Variants in DIAPH3 observed in about 807,000 individuals in gnomAD.
DIAPH3 encodes the protein diaphanous related formin 3, also known as protein diaphanous homolog 3.
DIAPH3 carries 117 observed loss-of-function variants against 144.3 expected under a neutral mutation model. The ratio of observed to expected loss-of-function variants is 0.81; its 90% CI spans 0.70 to 0.95. The LOEUF is 0.95. Ranked by LOEUF, DIAPH3 falls within the 40% of genes least tolerant of loss-of-function variation. The pLI is 0.00. For synonymous variants in DIAPH3, 519 were observed against 488.9 expected (o/e 1.06, Z -0.81); for missense variants, 1,421 against 1,412.7 (o/e 1.01, Z -0.09).
chr13:59,678,517 T>C (rs1338861339), intron 27 of DIAPH3, among the ~76,000 whole-genome samples: 1 of 152,178 alleles, frequency 6.6e-6, no homozygotes, highest in African/African-American at 2.4e-5. Flanking sequence ...GGAAGAAATA[T>C]TGATGTTCTC....
chr13:59,891,238 C>G (rs2045775109), intron 20 of DIAPH3, among the ~76,000 whole-genome samples: 1 of 151,894 alleles, frequency 6.6e-6, no homozygotes, highest in Non-Finnish European at 1.5e-5. Flanking sequence ...CACAAGAGAC[C>G]TTTTTGCTTA....
At chr13:59,980,545 C>G (rs1175870330) in intron 14 of DIAPH3, among the ~76,000 whole-genome samples, 1 of 151,456 alleles carries the variant, frequency 6.6e-6, no homozygotes, top group Admixed American at 6.6e-5. Flanking sequence ...AATACATAAA[C>G]TATGTAGCAT....
At chr13:60,024,906 T>G (rs368813133) in intron 5 of DIAPH3, among the ~76,000 whole-genome samples, 1 of 152,046 alleles carries the variant, frequency 6.6e-6, no homozygotes, top group African/African-American at 2.4e-5. Context: ...ATGCTCACCA[T>G]GTAACCTACA....
intron 27 of DIAPH3, among the ~76,000 whole-genome samples, chr13:59,760,550 C>T (rs2037525304): frequency 6.6e-6 from 1 of 152,122 alleles, no homozygotes; most frequent in Admixed American, 6.5e-5. Context: ...ACGGTATTTA[C>T]TAGTTCATCT....
In DIAPH3 at chr13:60,093,614, A is replaced by G; in HGVS notation, c.495+14T>C. On this transcript the variant is annotated intron_variant, in intron 4 of 27. Transcript: ENST00000400324. ...ATGTTCGGCAGTATTTTTCAACTTG[A>G]CAGTTTTACTTACTGTCTTAGAAGC... is the stretch of plus-strand genomic sequence containing the variant. The G allele has an allele frequency of 6.5e-7, 1 of 1,532,796 alleles. No homozygotes were observed. The highest frequency in any genetic ancestry group is 1.4e-5 in the African/African-American group (1 of 73,358). The allele number at this position is 1,532,796 out of a possible 1,614,324, so 94.9% of individuals were successfully genotyped here. A position where few individuals can be genotyped will look rare whatever the true frequency, so the allele number is the denominator to read the frequency against.
At chr13:59,851,442 C>CA (rs1566413573) in intron 22 of DIAPH3, among the ~76,000 whole-genome samples, 2 of 152,104 alleles carry the variant, frequency 1.3e-5, no homozygotes, top group Admixed American at 6.6e-5. Context: ...TCTAAAACTG[C>CA]AAAAAACCCT....
At chr13:59,839,494 A>G (rs1276183762) in intron 22 of DIAPH3, 46 bp from the exon 23 acceptor site, 1 of 1,589,672 alleles carries the variant, frequency 6.3e-7, no homozygotes, top group Non-Finnish European at 8.6e-7. Context: ...AAATTATAAT[A>G]TATAAAAGGT....
intron 27 of DIAPH3, among the ~76,000 whole-genome samples, chr13:59,729,808 A>ATTTTTTTTTTTTTTTTTTTT (rs202135165): frequency 1.7e-5 from 2 of 115,184 alleles, no homozygotes; most frequent in African/African-American, 3.5e-5. Flanking sequence ...GAATACATTA[A>ATTTTTTTTTTTTTTTTTTTT]TATTTTTTTT....
At chr13:59,821,585 TA>T (rs1310124161) in intron 24 of DIAPH3, among the ~76,000 whole-genome samples, 1 of 152,150 alleles carries the variant, frequency 6.6e-6, no homozygotes, top group Non-Finnish European at 1.5e-5. Context: ...TTTTCTTTGG[TA>T]ACTAAATGTA....
At chr13:59,892,913 A>G (rs975410273) in intron 20 of DIAPH3, among the ~76,000 whole-genome samples, 1 of 152,100 alleles carries the variant, frequency 6.6e-6, no homozygotes, top group African/African-American at 2.4e-5. Flanking sequence ...TAAAGGATAG[A>G]AAAAGGCATA....
At chr13:59,927,138 C>G (rs1447089097) in intron 17 of DIAPH3, among the ~76,000 whole-genome samples, 1 of 152,130 alleles carries the variant, frequency 6.6e-6, no homozygotes, top group Non-Finnish European at 1.5e-5. Context: ...TATAGCTTAT[C>G]CCTGCACACT....
chr13:60,047,866 GAACTGTATAGTGTCTGAGATTTC>G (rs1368425728), intron 4 of DIAPH3, among the ~76,000 whole-genome samples: 1 of 152,150 alleles, frequency 6.6e-6, no homozygotes, highest in African/African-American at 2.4e-5. Flanking sequence ...ATACAGTTAA[GAACTGTATAGTGTCTGAGATTTC>G]AACTGTATAG....
intron 4 of DIAPH3, among the ~76,000 whole-genome samples, chr13:60,074,453 T>C (rs960747301): frequency 1.3e-5 from 2 of 152,210 alleles, no homozygotes; most frequent in African/African-American, 2.4e-5. Context: ...CTGCCCTTCC[T>C]ATTCCTCTAG....
intron 1 of DIAPH3, among the ~76,000 whole-genome samples, chr13:60,159,854 C>T (rs1364395173): frequency 1.3e-5 from 2 of 152,152 alleles, no homozygotes; most frequent in Non-Finnish European, 2.9e-5. Flanking sequence ...GTGCTTGGCT[C>T]ACTCAGAAAG....
intron 9 of DIAPH3, among the ~76,000 whole-genome samples, chr13:59,993,153 A>G (rs151013218): frequency 1.1e-3 from 171 of 152,024 alleles, no homozygotes; most frequent in African/African-American, 3.9e-3. Flanking sequence ...AAATTACCCT[A>G]TGTTTTAACC....
intron 17 of DIAPH3, among the ~76,000 whole-genome samples, chr13:59,944,200 C>A (rs1465672353): frequency 1.3e-5 from 2 of 150,582 alleles, no homozygotes; most frequent in Non-Finnish European, 3.0e-5. Context: ...GGTGACTGAG[C>A]ATGACACTGT....
intron 24 of DIAPH3, 99 bp downstream of exon 24, chr13:59,833,008 A>T: frequency 1.1e-6 from 1 of 900,932 alleles, no homozygotes; most frequent in Non-Finnish European, 1.7e-6. Context: ...CAGAAAAGAT[A>T]GGTTTTCCTA....
chr13:60,022,041 T>C (rs1242503117), intron 5 of DIAPH3, among the ~76,000 whole-genome samples: 1 of 152,214 alleles, frequency 6.6e-6, no homozygotes, highest in Non-Finnish European at 1.5e-5. Flanking sequence ...GTGTTTTTAA[T>C]TTCATTTTCT....
intron 24 of DIAPH3, among the ~76,000 whole-genome samples, chr13:59,820,157 A>G (rs1162159320): frequency 6.6e-6 from 1 of 152,008 alleles, no homozygotes; most frequent in Non-Finnish European, 1.5e-5. Flanking sequence ...TATATCAATT[A>G]TATATGCTTC....
Sources: allele counts gnomAD v4.1 joint callset (sites outside exome capture counted in the v4.1 genomes callset), GRCh38; gene constraint gnomAD v4.1.1; transcripts MANE v1.5; gene names NCBI Gene and HGNC (gene_info 2026-07-23, HGNC 2026-07-21).